FNDC3B: variants seen among roughly 807,000 people sequenced by gnomAD.
FNDC3B encodes fibronectin type III domain-containing protein 3B.
Under a neutral mutation model 151.5 loss-of-function variants are expected in FNDC3B, and 12 were observed. The ratio of observed to expected loss-of-function variants is 0.08; its 90% CI spans 0.05 to 0.13. The LOEUF is 0.13. Among genes scored for constraint, FNDC3B ranks in the 10% least tolerant of loss-of-function variants. FNDC3B has a pLI of 1.00. For missense variants in FNDC3B, 1,214 were observed against 1,505.3 expected (o/e 0.81, Z 3.20); for synonymous variants, 528 against 549.0 (o/e 0.96, Z 0.54).
intron 3 of FNDC3B, among the ~76,000 whole-genome samples, chr3:172,164,280 C>T (rs556012888): frequency 6.6e-6 from 1 of 152,268 alleles, no homozygotes; most frequent in South Asian, 2.1e-4. Context: ...ACTTGATATG[C>T]TACAAGCAAT....
At chr3:172,367,985 G>A (rs1374968136) in intron 23 of FNDC3B, among the ~76,000 whole-genome samples, 1 of 152,176 alleles carries the variant, frequency 6.6e-6, no homozygotes, top group Non-Finnish European at 1.5e-5. Flanking sequence ...CAGGGAGCCT[G>A]CCTGTTGGCT....
At chr3:172,244,764 A>G (rs1273873816) in intron 4 of FNDC3B, among the ~76,000 whole-genome samples, 2 of 151,566 alleles carry the variant, frequency 1.3e-5, no homozygotes, top group African/African-American at 4.9e-5. Context: ...AGCTGGGACT[A>G]CAGGTCCACG....
chr3:172,338,879 G>T (rs1039510474), intron 16 of FNDC3B, among the ~76,000 whole-genome samples: 1 of 152,104 alleles, frequency 6.6e-6, no homozygotes, highest in Non-Finnish European at 1.5e-5. Flanking sequence ...TGGGACTACA[G>T]ACGCCCACCA....
intron 7 of FNDC3B, among the ~76,000 whole-genome samples, chr3:172,286,380 T>C (rs1162506041): frequency 1.3e-5 from 2 of 152,258 alleles, no homozygotes; most frequent in Admixed American, 1.3e-4. Flanking sequence ...CAAAAAGATA[T>C]TTAAATATTA....
intron 23 of FNDC3B, among the ~76,000 whole-genome samples, chr3:172,364,750 A>G (rs563781482): frequency 3.3e-5 from 5 of 152,332 alleles, no homozygotes; most frequent in South Asian, 2.1e-4. Flanking sequence ...TAATCAATAC[A>G]TGTTGTTTCT....
chr3:172,124,147 A>G (rs1478564080), intron 2 of FNDC3B, among the ~76,000 whole-genome samples: 1 of 151,846 alleles, frequency 6.6e-6, no homozygotes, highest in Non-Finnish European at 1.5e-5. Flanking sequence ...CTGGAGTGCA[A>G]TGGCGCGATC....
intron 3 of FNDC3B, among the ~76,000 whole-genome samples, chr3:172,147,624 A>G (rs1358175681): frequency 6.6e-6 from 1 of 152,148 alleles, no homozygotes; most frequent in African/African-American, 2.4e-5. Flanking sequence ...AATCACCTGG[A>G]GGGCCTGTTA....
chr3:172,364,839 C>T (rs1176378189), intron 23 of FNDC3B, among the ~76,000 whole-genome samples: 3 of 152,150 alleles, frequency 2.0e-5, no homozygotes, highest in Non-Finnish European at 4.4e-5. Context: ...AAGAAAACTT[C>T]GCATTAGGAA....
At chr3:172,050,389 CT>C (rs71635717) in intron 1 of FNDC3B, among the ~76,000 whole-genome samples, 72 of 145,746 alleles carry the variant, frequency 4.9e-4, no homozygotes, top group Non-Finnish European at 5.3e-4. Context: ...GGTATATTTT[CT>C]TTTTTTTTTT....
chr3:172,330,635 A>G lies in FNDC3B; in HGVS notation c.1474A>G (p.Thr492Ala). The G allele has an allele frequency of 6.2e-7, 1 of 1,614,204 alleles. No homozygotes were observed. The highest frequency in any genetic ancestry group is 8.5e-7 in the Non-Finnish European group (1 of 1,180,016). ...RLVRAGITWVTLQWSKPEGCS... is the reference protein window; with the variant it reads ...RLVRAGITWVALQWSKPEGCS... ...GGTTCGAGCTGGCATCACATGGGTCACGTTGCAGTGGAGTAAGCCAGAAGG... is the reference window on the plus strand; with the variant it reads ...GGTTCGAGCTGGCATCACATGGGTCGCGTTGCAGTGGAGTAAGCCAGAAGG... Residue 492 changes from threonine to alanine, a missense_variant, in exon 13 of 26, where the codon ACG becomes GCG. By Grantham distance (58) the Thr-to-Ala change is moderately conservative. This residue lies in a region of FNDC3B where 111 missense variants were observed against 96.8 expected (regional missense o/e 1.15). Coordinates refer to ENST00000415807, the MANE Select transcript of FNDC3B (RefSeq NM_022763.4).
chr3:172,102,779 TGCAGA>T (rs936585288), intron 1 of FNDC3B, among the ~76,000 whole-genome samples: 7 of 152,200 alleles, frequency 4.6e-5, no homozygotes, highest in African/African-American at 1.7e-4. Flanking sequence ...CACCTCCCCG[TGCAGA>T]TTAGAATTAG....
rs376127486 is a variant in FNDC3B, at chr3:172,303,524, C to T, written c.1062-3839C>T. 2.4e-4 allele frequency among the ~76,000 whole-genome samples: 36 copies of T among 152,140 alleles called. 1 individual carries two copies. Among genetic ancestry groups the T allele is most frequent in the Admixed American group, 1.2e-3 (19 of 15,272 alleles). ...CTGAAATTCTTGGAGCACCTGTTTC[C>T]TAAGCATTTAGCCAGGATTTAAGCT... is the stretch of plus-strand genomic sequence containing the variant. On this transcript the variant is annotated intron_variant, in intron 9 of 25. Coordinates refer to ENST00000415807, the MANE Select transcript of FNDC3B (RefSeq NM_022763.4).
rs1250022041 is a variant in FNDC3B at position 172,052,706 on chromosome 3, T to G, written c.-29+12935T>G. Reference sequence around the variant, plus strand: ...TTAGATCTGGGGTGGGATCTGGAAATCCTTATCAAGTGTTTCAGGTGAATT... The same window carrying G: ...TTAGATCTGGGGTGGGATCTGGAAAGCCTTATCAAGTGTTTCAGGTGAATT... On this transcript the variant is annotated intron_variant, in intron 1 of 25. Coordinates refer to ENST00000415807, the MANE Select transcript of FNDC3B (RefSeq NM_022763.4). Among the ~76,000 whole-genome samples, 5 of 152,100 alleles carry G rather than the reference T, an allele frequency of 3.3e-5. No homozygotes were observed. The East Asian group carries it at 5.8e-4, about 18-fold the overall frequency.
chr3:172,271,347 T>C (rs1729191131), intron 6 of FNDC3B, among the ~76,000 whole-genome samples: 1 of 152,234 alleles, frequency 6.6e-6, no homozygotes, highest in Admixed American at 6.5e-5. Flanking sequence ...CAACCTTTTG[T>C]TTTAAACTAT....
rs367836815 is a variant in FNDC3B at position 172,307,344 on chromosome 3, G to A, written c.1062-19G>A. On this transcript the variant is annotated intron_variant, in intron 9 of 25. Coordinates refer to ENST00000415807, the MANE Select transcript of FNDC3B (RefSeq NM_022763.4). ...CTATGATGAGTCACTGCCACTGACT[G>A]TGTCTGTTTTGTTTTCAGGGTGTAT... 6.2e-7 allele frequency: 1 copy of A among 1,613,954 alleles called. No individual in the cohort carries two copies.
At chr3:172,124,052 AG>A (rs1484231594) in intron 2 of FNDC3B, among the ~76,000 whole-genome samples, 2 of 151,898 alleles carry the variant, frequency 1.3e-5, no homozygotes, top group Non-Finnish European at 2.9e-5. Flanking sequence ...TCGGGATGAG[AG>A]TGCTCCTACT....
chr3:172,255,383 C>T (rs1021955007), intron 6 of FNDC3B, among the ~76,000 whole-genome samples: 2 of 152,172 alleles, frequency 1.3e-5, no homozygotes, highest in Non-Finnish European at 2.9e-5. Flanking sequence ...ATTCTTCTGC[C>T]TCAGCCTCCC....
intron 3 of FNDC3B, among the ~76,000 whole-genome samples, chr3:172,199,242 C>T (rs1047096042): frequency 2.7e-5 from 4 of 150,636 alleles, no homozygotes; most frequent in African/African-American, 7.3e-5. Context: ...TGCAGTGGCG[C>T]GATCTCGGCT....
chr3:172,321,371 T>C (rs988438123), intron 11 of FNDC3B, among the ~76,000 whole-genome samples: 1 of 152,246 alleles, frequency 6.6e-6, no homozygotes, highest in Non-Finnish European at 1.5e-5. Context: ...GGTTGATCTT[T>C]ATCGTCTAGG....
Sources: gnomAD v4.1 joint callset for allele counts (sites outside exome capture counted in the v4.1 genomes callset) on GRCh38, gnomAD v4.1.1 for gene constraint, gnomAD v4.1.1 regional missense constraint, MANE v1.5 for transcripts, NCBI Gene and HGNC (gene_info 2026-07-23, HGNC 2026-07-21) for gene names.